ZNF391: variants seen among roughly 807,000 people sequenced by gnomAD.
ZNF391 encodes zinc finger protein 391.
For synonymous variants in ZNF391, 126 were observed against 142.1 expected, an observed-to-expected ratio of 0.89 and a Z score of 0.80; for missense variants, 375 against 425.5, an observed-to-expected ratio of 0.88 and a Z score of 1.04.
chr6:27,389,582 C>A, intron 1 of ZNF391: 1 of 385,104 alleles, frequency 2.6e-6, no homozygotes, highest in Non-Finnish European at 5.0e-6. Context: ...GAGGCCAAGG[C>A]GGGCGGATCA....
Position 27,401,195 on chromosome 6 carries a change from C to T in ZNF391, c.825C>T (p.Asn275=). 1 of 1,614,080 alleles carries T rather than the reference C, an allele frequency of 6.2e-7. No individual in the cohort carries two copies. Among genetic ancestry groups the T allele is most frequent in the Non-Finnish European group, 8.5e-7 (1 of 1,180,002 alleles). The part of the protein sequence containing the change: ...TEHQRTHTGE[N]PYECSECGKV... ...ATCAGAGAACACACACTGGGGAGAACCCCTATGAGTGCAGTGAATGTGGGA... is the reference window on the plus strand; with the variant it reads ...ATCAGAGAACACACACTGGGGAGAATCCCTATGAGTGCAGTGAATGTGGGA... Residue 275 remains asparagine (N), a synonymous_variant, in exon 3 of 3, where the codon AAC becomes AAT. Coordinates refer to ENST00000244576, the MANE Select transcript of ZNF391 (RefSeq NM_001076781.3).
At chr6:27,397,191 G>A (rs1240714438) in intron 1 of ZNF391, among the ~76,000 whole-genome samples, 1 of 152,168 alleles carries the variant, frequency 6.6e-6, no homozygotes, top group Non-Finnish European at 1.5e-5. Context: ...CTTCTGGTGA[G>A]GGCCTCAGGA....
chr6:27,389,933 G>A (rs1388323889), intron 1 of ZNF391, among the ~76,000 whole-genome samples: 1 of 82,338 alleles, frequency 1.2e-5, no homozygotes, highest in Admixed American at 1.3e-4. Flanking sequence ...CAGTTACTGT[G>A]GATCATTGAG....
At chr6:27,382,772 T>C (rs1398618322) in intron 1 of ZNF391, among the ~76,000 whole-genome samples, 3 of 152,022 alleles carry the variant, frequency 2.0e-5, no homozygotes, top group Non-Finnish European at 4.4e-5. Flanking sequence ...AGACTAGACA[T>C]GGCGGAAAAA....
At chr6:27,378,677 G>C (rs566245932) in intron 1 of ZNF391, among the ~76,000 whole-genome samples, 15 of 152,288 alleles carry the variant, frequency 9.8e-5, no homozygotes, top group East Asian at 3.9e-4. Context: ...GGTCACAGGG[G>C]ATGCGATGGC....
chr6:27,393,270 C>T (rs1761755414), intron 1 of ZNF391, among the ~76,000 whole-genome samples: 1 of 152,160 alleles, frequency 6.6e-6, no homozygotes, highest in South Asian at 2.1e-4. Flanking sequence ...CAGATTGATA[C>T]CTCAGAGCTT....
rs1761424813 is a variant in ZNF391, at chr6:27,376,751, G to T, written n.523+1614G>T. 6.6e-6 allele frequency among the ~76,000 whole-genome samples: 1 copy of T among 152,148 alleles called. No individual in the cohort carries two copies. Among genetic ancestry groups the T allele is most frequent in the South Asian group, 2.1e-4 (1 of 4,826 alleles). ...CGAGCCGCTTGAAGCTACTCCGGCG[G>T]CTGAGGCAGGAGAATTGCTTGAACC... On this transcript the variant is annotated intron_variant and non_coding_transcript_variant, in intron 1 of 2. Coordinates refer to the ZNF391 transcript ENST00000477999. The surrounding 1 kb of genome is among the most constrained non-coding windows in gnomAD (Gnocchi z 4.7).
chr6:27,381,756 G>C (rs141397276), intron 1 of ZNF391, among the ~76,000 whole-genome samples: 161 of 152,306 alleles, frequency 1.1e-3, no homozygotes, highest in African/African-American at 3.7e-3. Context: ...TTTTAGGCAG[G>C]GCGTGGTGGC....
intron 1 of ZNF391, among the ~76,000 whole-genome samples, chr6:27,392,087 T>C (rs1321864208): frequency 1.3e-5 from 2 of 152,172 alleles, no homozygotes; most frequent in Non-Finnish European, 2.9e-5. Context: ...TGAGGAGACA[T>C]AAAACCAGAT....
chr6:27,382,054 C>A (rs1471208408), intron 1 of ZNF391, among the ~76,000 whole-genome samples: 1 of 66,540 alleles, frequency 1.5e-5, no homozygotes, highest in Non-Finnish European at 3.3e-5. Flanking sequence ...AAAAAAAGGC[C>A]GGCTGCGTTG....
chr6:27,389,892 AGTT>A (rs1761666595), intron 1 of ZNF391, among the ~76,000 whole-genome samples: 2 of 151,870 alleles, frequency 1.3e-5, no homozygotes, highest in Non-Finnish European at 2.9e-5. Context: ...TGAATAAAGT[AGTT>A]GTTAATTATT....
intron 1 of ZNF391, among the ~76,000 whole-genome samples, chr6:27,383,682 C>T (rs547916640): frequency 6.6e-6 from 1 of 152,314 alleles, no homozygotes; most frequent in African/African-American, 2.4e-5. Context: ...GCCCCACCCA[C>T]ATGGCCTCAT....
chr6:27,396,912 C>A (rs1761838319), intron 1 of ZNF391, among the ~76,000 whole-genome samples: 1 of 152,112 alleles, frequency 6.6e-6, no homozygotes, highest in South Asian at 2.1e-4. Flanking sequence ...TCTATCATCC[C>A]TGGCCCCCAT....
At chr6:27,397,527 AC>A (rs1761853577) in intron 1 of ZNF391, among the ~76,000 whole-genome samples, 1 of 152,202 alleles carries the variant, frequency 6.6e-6, no homozygotes, top group East Asian at 1.9e-4. Context: ...ATATCAAATA[AC>A]AATGGAGGAG....
chr6:27,391,738 C>A lies in ZNF391; in HGVS notation c.-188+2663C>A, dbSNP rs114338169. On this transcript the variant is annotated intron_variant, in intron 1 of 2. Transcript: ENST00000244576. ...ATTTATTTCTCTTTTAAAGGAACTT[C>A]CGTTCTTAGATGAGTCTGCCAAATT... is the stretch of plus-strand genomic sequence containing the variant. Among the ~76,000 whole-genome samples, 893 of 152,274 alleles carry A rather than the reference C, an allele frequency of 5.9e-3. 6 individuals carry two copies. Among genetic ancestry groups the A allele is most frequent in the Middle Eastern group, 0.02 (6 of 294 alleles).
At chr6:27,384,360 A>G (rs1011552271), upstream of ZNF391, among the ~76,000 whole-genome samples, 4 of 151,288 alleles carry the variant, frequency 2.6e-5, no homozygotes, top group African/African-American at 9.7e-5. Context: ...GCTACTCAGG[A>G]GGCAGAGGCA....
chr6:27,401,329 T>C lies in ZNF391; in HGVS notation c.959T>C (p.Leu320Pro). The C allele has an allele frequency of 6.2e-7, 1 of 1,614,126 alleles. No homozygotes were observed. Among genetic ancestry groups the C allele is most frequent in the Non-Finnish European group, 8.5e-7 (1 of 1,180,002 alleles). Residue 320 changes from leucine (L) to proline (P), a missense_variant, in exon 3 of 3, where the codon CTT becomes CCT. Coordinates refer to ENST00000244576, the MANE Select transcript of ZNF391 (RefSeq NM_001076781.3). ...CGKGFSRSSS[L>P]IIHQRTHTGE... Reference sequence around the variant, plus strand: ...AAGGGCTTCAGTCGAAGCTCATCCCTTATTATTCATCAGAGAACTCATACC... The same window carrying C: ...AAGGGCTTCAGTCGAAGCTCATCCCCTATTATTCATCAGAGAACTCATACC...
chr6:27,388,572 T>C, upstream of ZNF391: 1 of 292,412 alleles, frequency 3.4e-6, no homozygotes, highest in South Asian at 2.9e-5. Context: ...TGTATTAAGG[T>C]GGTCTTCGGC....
At chr6:27,381,144 C>T (rs1490385690) in intron 1 of ZNF391, among the ~76,000 whole-genome samples, 2 of 152,336 alleles carry the variant, frequency 1.3e-5, no homozygotes, top group South Asian at 4.1e-4. Flanking sequence ...AGGCTTGGGC[C>T]GCACAGGAGC....
Sources: allele counts gnomAD v4.1 joint callset (sites outside exome capture counted in the v4.1 genomes callset), GRCh38; gene constraint gnomAD v4.1.1; non-coding constraint Gnocchi (gnomAD v3.1); transcripts MANE v1.5; gene names NCBI Gene and HGNC (gene_info 2026-07-23, HGNC 2026-07-21).